MARCHF1: variants seen among roughly 807,000 people sequenced by gnomAD.
The protein encoded by MARCHF1 is membrane associated ring-CH-type finger 1.
Under a neutral mutation model 54.2 loss-of-function variants are expected in MARCHF1, and 40 were observed. The ratio of observed to expected loss-of-function variants is 0.74; its 90% CI spans 0.57 to 0.96. MARCHF1 has a LOEUF of 0.96. Among genes scored for constraint, MARCHF1 ranks in the 40% least tolerant of loss-of-function variants. The pLI is 0.00. For missense variants in MARCHF1, 586 were observed against 656.5 expected (o/e 0.89, Z 1.17); for synonymous variants, 236 against 236.3 (o/e 1.00, Z 0.01).
intron 1 of MARCHF1, among the ~76,000 whole-genome samples, chr4:164,123,361 T>TCTTCGGCCAACAACTGCTTGAGAACAA (rs1756111340): frequency 6.6e-6 from 1 of 152,052 alleles, no homozygotes; most frequent in Non-Finnish European, 1.5e-5. Context: ...AAAATAAATA[T>TCTTCGGCCAACAACTGCTTGAGAACAA]TGTTAAAATA....
intron 1 of MARCHF1, among the ~76,000 whole-genome samples, chr4:164,183,301 A>C (rs903512448): frequency 6.6e-6 from 1 of 152,146 alleles, no homozygotes; most frequent in Admixed American, 6.5e-5. Flanking sequence ...AACTTTCCCA[A>C]TGTAATGCAT....
At chr4:163,739,614 A>G (rs1433625751) in intron 4 of MARCHF1, among the ~76,000 whole-genome samples, 1 of 152,178 alleles carries the variant, frequency 6.6e-6, no homozygotes, top group Non-Finnish European at 1.5e-5. Context: ...TTTAGCAACT[A>G]AAATAGTATA....
intron 1 of MARCHF1, among the ~76,000 whole-genome samples, chr4:164,327,600 CTCCAAG>C (rs1184193605): frequency 6.6e-6 from 1 of 152,174 alleles, no homozygotes; most frequent in Non-Finnish European, 1.5e-5. Context: ...CACCCCTGTA[CTCCAAG>C]TCCAGGTTGG....
intron 2 of MARCHF1, among the ~76,000 whole-genome samples, chr4:164,041,723 A>C (rs4560357): frequency 0.41 from 62,842 of 151,944 alleles, 13,900 homozygotes; most frequent in Middle Eastern, 0.6. Flanking sequence ...CACAGATATG[A>C]CCAATCAGAA....
chr4:163,616,715 G>T (rs13120450), intron 5 of MARCHF1, among the ~76,000 whole-genome samples: 60,419 of 148,926 alleles, frequency 0.41, 12,807 homozygotes, highest in East Asian at 0.58. Flanking sequence ...CCCTGTCTCT[G>T]AAAACACACA....
intron 4 of MARCHF1, among the ~76,000 whole-genome samples, chr4:163,776,453 T>C (rs1275968343): frequency 6.6e-6 from 1 of 151,994 alleles, no homozygotes; most frequent in Non-Finnish European, 1.5e-5. Context: ...GAGTAACATA[T>C]GGTGAAAGAA....
intron 2 of MARCHF1, among the ~76,000 whole-genome samples, chr4:163,990,744 A>G (rs1001641560): frequency 6.6e-6 from 1 of 152,172 alleles, no homozygotes; most frequent in Admixed American, 6.5e-5. Flanking sequence ...AATTAAGAGA[A>G]TGCTGGAAAT....
intron 3 of MARCHF1, among the ~76,000 whole-genome samples, chr4:163,951,577 C>G (rs1752134986): frequency 6.6e-6 from 1 of 152,160 alleles, no homozygotes; most frequent in Non-Finnish European, 1.5e-5. Context: ...GCAAGGACTA[C>G]AATCTGGGAA....
At chr4:163,548,448 A>T (rs774335681) in intron 8 of MARCHF1, among the ~76,000 whole-genome samples, 1 of 152,234 alleles carries the variant, frequency 6.6e-6, no homozygotes, top group Non-Finnish European at 1.5e-5. Context: ...AAGGCTCCTC[A>T]AATAGAAAAA....
At chr4:164,342,377 C>A (rs575474575) in intron 1 of MARCHF1, among the ~76,000 whole-genome samples, 2 of 152,126 alleles carry the variant, frequency 1.3e-5, no homozygotes, top group African/African-American at 4.8e-5. Context: ...TAAGTTCATA[C>A]AGCTCTCATG....
intron 3 of MARCHF1, among the ~76,000 whole-genome samples, chr4:163,900,646 G>A (rs1750919761): frequency 6.6e-6 from 1 of 152,122 alleles, no homozygotes; most frequent in Admixed American, 6.5e-5. Flanking sequence ...ACTAAGGATT[G>A]TTGTGTGATA....
At chr4:164,320,576 A>C (rs564761823) in intron 1 of MARCHF1, among the ~76,000 whole-genome samples, 2 of 152,226 alleles carry the variant, frequency 1.3e-5, no homozygotes, top group Admixed American at 1.3e-4. Context: ...ACACCTACGA[A>C]TGTATAGCCT....
chr4:163,979,168 C>A (rs1425620632), intron 3 of MARCHF1, among the ~76,000 whole-genome samples: 3 of 61,228 alleles, frequency 4.9e-5, no homozygotes, highest in African/African-American at 1.9e-4. Context: ...CTATCCCCCC[C>A]CCTCCCCCCA....
At chr4:164,365,422 CA>C (rs1730850521) in intron 1 of MARCHF1, among the ~76,000 whole-genome samples, 1 of 151,806 alleles carries the variant, frequency 6.6e-6, no homozygotes, top group Admixed American at 6.6e-5. Context: ...TTTCATAAGA[CA>C]GAGAAAAATC....
intron 2 of MARCHF1, among the ~76,000 whole-genome samples, chr4:164,099,112 ATGAT>A (rs1429464651): frequency 1.3e-5 from 2 of 152,218 alleles, no homozygotes; most frequent in Admixed American, 1.3e-4. Context: ...ATTTAGCAGG[ATGAT>A]TGAAGTTGGT....
At chr4:163,700,669 A>G (rs1579207769) in intron 5 of MARCHF1, 144 bp downstream of exon 5, 1 of 613,956 alleles carries the variant, frequency 1.6e-6, no homozygotes, top group East Asian at 2.8e-5. Flanking sequence ...TTATTACAGT[A>G]AAAGCTTAAA....
intron 3 of MARCHF1, among the ~76,000 whole-genome samples, chr4:163,883,434 T>C (rs1750463808): frequency 6.6e-6 from 1 of 151,820 alleles, no homozygotes. Context: ...AATTCTTTAT[T>C]GTCTTTTAAG....
chr4:164,197,233 A>C (rs749241582), intron 1 of MARCHF1: 1 of 1,610,484 alleles, frequency 6.2e-7, no homozygotes, highest in Admixed American at 1.7e-5. Context: ...CAGGCCCTCC[A>C]CGTGGTCCTC....
chr4:163,632,428 A>G (rs1351701946), intron 5 of MARCHF1, among the ~76,000 whole-genome samples: 1 of 152,170 alleles, frequency 6.6e-6, no homozygotes, highest in African/African-American at 2.4e-5. Context: ...GCATTGCCTC[A>G]CTCAGGAAGC....
Sources: gnomAD v4.1 joint callset for allele counts (sites outside exome capture counted in the v4.1 genomes callset) on GRCh38, gnomAD v4.1.1 for gene constraint, MANE v1.5 for transcripts, NCBI Gene and HGNC (gene_info 2026-07-23, HGNC 2026-07-21) for gene names.